FBXL19: variants seen among roughly 807,000 people sequenced by gnomAD.
FBXL19 encodes F-box/LRR-repeat protein 19.
In FBXL19, 16 loss-of-function variants were observed where a neutral mutation model predicts 71.2. That is an observed-to-expected ratio of 0.22 (90% CI 0.15 to 0.34). The LOEUF (loss-of-function observed/expected upper bound fraction) is 0.34, where lower values mean the gene tolerates loss of function less well. FBXL19 is among the 10% of genes least tolerant of loss of function. FBXL19 has a pLI of 1.00. For synonymous variants in FBXL19, 447 were observed against 409.4 expected, an observed-to-expected ratio of 1.09 and a Z score of -1.11; for missense variants, 658 against 968.2, an observed-to-expected ratio of 0.68 and a Z score of 4.25.
Position 30,942,317 on chromosome 16 carries a change from G to T in FBXL19, c.1465+38G>T. On this transcript the variant is annotated intron_variant, in intron 8 of 10. Transcript: ENST00000338343. This position sits in a 1 kb window ranked among gnomAD's most constrained non-coding sequence, Gnocchi z 5.7. ...GTACGGAGGACAGGGTGGGGACAGG[G>T]ACAGGCCTGGGATGGAGTCCTCACA... The T allele has an allele frequency of 1.3e-6, 2 of 1,599,396 alleles. No individual in the cohort carries two copies. Among genetic ancestry groups the T allele is most frequent in the Non-Finnish European group, 1.7e-6 (2 of 1,171,228 alleles).
Position 30,942,036 on chromosome 16 carries a change from C to T in FBXL19, c.1302-80C>T, listed in dbSNP as rs2055807776. 7.0e-7 allele frequency: 1 copy of T among 1,425,286 alleles called. No individual in the cohort carries two copies. Among genetic ancestry groups the T allele is most frequent in the African/African-American group, 1.4e-5 (1 of 69,558 alleles). 88.3% of individuals were successfully genotyped at this position (1,425,286 alleles called of 1,614,324 possible). A position where few individuals can be genotyped will look rare whatever the true frequency, so the allele number is the denominator to read the frequency against. ...GGCCAGAAGAGAGCTGGGGTGCACC[C>T]TTGGAGCTGGGGAGCCTGGGAACTG... On this transcript the variant is annotated intron_variant, in intron 7 of 10. Coordinates refer to ENST00000338343, the MANE Select transcript of FBXL19 (RefSeq NM_001382779.1). This position sits in a 1 kb window ranked among gnomAD's most constrained non-coding sequence, Gnocchi z 5.7.
At chr16:30,932,410 CTG>C (rs1392844800) in intron 7 of FBXL19, among the ~76,000 whole-genome samples, 1 of 152,206 alleles carries the variant, frequency 6.6e-6, no homozygotes, top group Non-Finnish European at 1.5e-5. Context: ...AAGGCCAGCT[CTG>C]TGCCTGGCAT....
Position 30,927,888 on chromosome 16 carries a change from C to A in FBXL19, c.552C>A (p.Pro184=), listed in dbSNP as rs767784472. ...RRKGPLPAGP[P]PEDVPGPPKR... ...AGGGCCCCCTGCCTGCCGGGCCCCC[C>A]CCGGAGGACGTGCCTGGGCCCCCCA... The change falls in exon 5 of 11, where the codon CCC becomes CCA. Residue 184 remains proline, a synonymous_variant. Transcript: ENST00000338343. 7.2e-6 allele frequency: 11 copies of A among 1,531,708 alleles called. No homozygotes were observed. The highest frequency in any genetic ancestry group is 2.5e-5 in the South Asian group (2 of 81,180). The allele number at this position is 1,531,708 out of a possible 1,614,324, so 94.9% of individuals were successfully genotyped here.
chr16:30,935,487 G>A lies in FBXL19; in HGVS notation c.1301+4903G>A, dbSNP rs144223675. ...AGAGGGCAGCAGGGAAGGCGTGCAGGGGTTATTGAGATGCAAGGAAGAGGG... is the reference window on the plus strand; with the variant it reads ...AGAGGGCAGCAGGGAAGGCGTGCAGAGGTTATTGAGATGCAAGGAAGAGGG... On this transcript the variant is annotated intron_variant, in intron 7 of 10. Coordinates refer to ENST00000338343, the MANE Select transcript of FBXL19 (RefSeq NM_001382779.1). Among the ~76,000 whole-genome samples, 529 of 152,258 alleles carry A rather than the reference G, an allele frequency of 3.5e-3. 3 individuals carry two copies. Among genetic ancestry groups the A allele is most frequent in the African/African-American group, 0.012 (493 of 41,554 alleles).
Position 30,925,686 on chromosome 16 carries a change from A to G in FBXL19, c.-24-45A>G, listed in dbSNP as rs2143304022. ...GGACCTGTCAGGGGTCTCCCAGGCC[A>G]GGGCCCCAGTGGGCCCATCTGACCC... On this transcript the variant is annotated intron_variant, in intron 1 of 10. Coordinates refer to ENST00000338343, the MANE Select transcript of FBXL19 (RefSeq NM_001382779.1). This position sits in a 1 kb window ranked among gnomAD's most constrained non-coding sequence, Gnocchi z 5.0. The G allele has an allele frequency of 1.4e-6, 2 of 1,457,278 alleles. No homozygotes were observed. Among genetic ancestry groups the G allele is most frequent in the African/African-American group, 1.5e-5 (1 of 67,418 alleles). The allele number at this position is 1,457,278 out of a possible 1,614,324, so 90.3% of individuals were successfully genotyped here.
At position 30,924,390 on chromosome 16, in the gene FBXL19, C is replaced by A; in HGVS notation, c.-94C>A. ...CGCGCCCCGCGCCGCCCGGCCCCCC[C>A]GCCGCCGATGGCCGCCGACCCGCCG... is the stretch of plus-strand genomic sequence containing the variant. On this transcript the variant is annotated 5_prime_UTR_variant, in exon 1 of 11. Transcript: ENST00000338343. The A allele has an allele frequency of 5.0e-6, 1 of 200,464 alleles. No individual in the cohort carries two copies. Among genetic ancestry groups the A allele is most frequent in the South Asian group, 1.7e-4 (1 of 5,766 alleles). The allele number at this position is 200,464 out of a possible 1,614,324, so 12.4% of individuals were successfully genotyped here.
intron 7 of FBXL19, among the ~76,000 whole-genome samples, chr16:30,932,686 G>T (rs564913755): frequency 6.6e-6 from 1 of 152,176 alleles, no homozygotes; most frequent in East Asian, 1.9e-4. Context: ...GTGCCTGGAG[G>T]GTACTAAACA....
chr16:30,942,368 T>A lies in FBXL19; in HGVS notation c.1466-7T>A. On this transcript the variant is annotated splice_polypyrimidine_tract_variant and splice_region_variant and intron_variant, in intron 8 of 10. Transcript: ENST00000338343. The surrounding 1 kb of genome is among the most constrained non-coding windows in gnomAD (Gnocchi z 5.7). ...GCACCTGCTTCCTGACTGCCCCCTC[T>A]CCGCAGGCCTGCAGGAGCTGGTGCT... 6.2e-7 allele frequency: 1 copy of A among 1,607,764 alleles called. No individual in the cohort carries two copies. The highest frequency in any genetic ancestry group is 8.5e-7 in the Non-Finnish European group (1 of 1,176,686).
At chr16:30,929,183 C>T (rs181607001) in intron 6 of FBXL19, among the ~76,000 whole-genome samples, 4 of 152,282 alleles carry the variant, frequency 2.6e-5, no homozygotes, top group Admixed American at 6.5e-5. Context: ...CACAGGAGTC[C>T]GCCTGATTGG....
chr16:30,944,106 C>T (rs1273212486), intron 9 of FBXL19, among the ~76,000 whole-genome samples: 1 of 148,720 alleles, frequency 6.7e-6, no homozygotes, highest in Non-Finnish European at 1.5e-5. Context: ...GCTGGCTGGT[C>T]CATTTCCTCC....
intron 7 of FBXL19, among the ~76,000 whole-genome samples, chr16:30,932,314 A>AGAATGT (rs2055684172): frequency 6.6e-6 from 1 of 152,242 alleles, no homozygotes. Context: ...GTTAAGCTGC[A>AGAATGT]ACATAGAAGC....
intron 7 of FBXL19, among the ~76,000 whole-genome samples, chr16:30,934,400 G>A (rs2055708672): frequency 6.6e-6 from 1 of 151,442 alleles, no homozygotes; most frequent in South Asian, 2.1e-4. Context: ...GCTCACGCCT[G>A]TAATCCCAGC....
In FBXL19 at chr16:30,946,296, C is replaced by T. The variant is rs1373263857; in HGVS notation, c.1628-434C>T. Reference sequence around the variant, plus strand: ...GTGGCTCACTGCAACCTCCACCTCTCGGGTTCAAGTGATTCTCCTGCCTCA... The same window carrying T: ...GTGGCTCACTGCAACCTCCACCTCTTGGGTTCAAGTGATTCTCCTGCCTCA... On this transcript the variant is annotated intron_variant, in intron 9 of 10. Coordinates refer to ENST00000338343, the MANE Select transcript of FBXL19 (RefSeq NM_001382779.1). The surrounding 1 kb of genome is among the most constrained non-coding windows in gnomAD (Gnocchi z 6.7). 6.6e-6 allele frequency among the ~76,000 whole-genome samples: 1 copy of T among 152,186 alleles called. No individual in the cohort carries two copies. Among genetic ancestry groups the T allele is most frequent in the East Asian group, 1.9e-4 (1 of 5,198 alleles).
At chr16:30,929,619 C>T (rs1459238548) in intron 6 of FBXL19, among the ~76,000 whole-genome samples, 2 of 152,126 alleles carry the variant, frequency 1.3e-5, no homozygotes, top group South Asian at 2.1e-4. Context: ...AGTGCAGTGG[C>T]GTGATCTCGG....
In FBXL19 at chr16:30,924,401, G is replaced by A. The variant is rs894720511; in HGVS notation, c.-83G>A. On this transcript the variant is annotated 5_prime_UTR_variant, in exon 1 of 11. Coordinates refer to ENST00000338343, the MANE Select transcript of FBXL19 (RefSeq NM_001382779.1). ...CCGCCCGGCCCCCCCGCCGCCGATGGCCGCCGACCCGCCGGGAGCTGCCGA... is the reference window on the plus strand; with the variant it reads ...CCGCCCGGCCCCCCCGCCGCCGATGACCGCCGACCCGCCGGGAGCTGCCGA... 3.2e-5 allele frequency: 7 copies of A among 217,516 alleles called. No homozygotes were observed. The highest frequency in any genetic ancestry group is 1.1e-4 in the African/African-American group (5 of 43,584). The allele number at this position is 217,516 out of a possible 1,614,324, so 13.5% of individuals were successfully genotyped here.
intron 7 of FBXL19, among the ~76,000 whole-genome samples, chr16:30,939,395 G>A (rs1261702855): frequency 6.9e-6 from 1 of 143,894 alleles, no homozygotes; most frequent in Non-Finnish European, 1.5e-5. Context: ...ATATTTATGT[G>A]AAACAATACT....
chr16:30,939,549 G>T (rs2055778719), intron 7 of FBXL19, among the ~76,000 whole-genome samples: 1 of 151,114 alleles, frequency 6.6e-6, no homozygotes, highest in South Asian at 2.1e-4. Context: ...GAGTATCTGG[G>T]ACTACAGGCG....
At position 30,925,604 on chromosome 16, in the gene FBXL19, G is replaced by A. The variant is rs1012081021; in HGVS notation, c.-24-127G>A. ...ATTGGCCCCCAGATACACAGAAGGG[G>A]GTGACCTCCTTGTCCCCCTGAGGAA... On this transcript the variant is annotated intron_variant, in intron 1 of 10. Transcript: ENST00000338343. This position sits in a 1 kb window ranked among gnomAD's most constrained non-coding sequence, Gnocchi z 5.0. 139 of 1,039,368 alleles carry A rather than the reference G, an allele frequency of 1.3e-4. No individual in the cohort carries two copies. The highest frequency in any genetic ancestry group is 1.5e-4 in the Non-Finnish European group (114 of 775,952). 64.4% of individuals were successfully genotyped at this position (1,039,368 alleles called of 1,614,324 possible). A position where few individuals can be genotyped will look rare whatever the true frequency, so the allele number is the denominator to read the frequency against.
Position 30,925,685 on chromosome 16 carries a change from C to G in FBXL19, c.-24-46C>G, listed in dbSNP as rs961692718. 6.9e-7 allele frequency: 1 copy of G among 1,456,060 alleles called. No individual in the cohort carries two copies. The highest frequency in any genetic ancestry group is 9.0e-7 in the Non-Finnish European group (1 of 1,113,366). 90.2% of individuals were successfully genotyped at this position (1,456,060 alleles called of 1,614,324 possible). ...GGGACCTGTCAGGGGTCTCCCAGGC[C>G]AGGGCCCCAGTGGGCCCATCTGACC... On this transcript the variant is annotated intron_variant, in intron 1 of 10. Coordinates refer to ENST00000338343, the MANE Select transcript of FBXL19 (RefSeq NM_001382779.1). This position sits in a 1 kb window ranked among gnomAD's most constrained non-coding sequence, Gnocchi z 5.0.
Sources: gnomAD v4.1 joint callset for allele counts (sites outside exome capture counted in the v4.1 genomes callset) on GRCh38, gnomAD v4.1.1 for gene constraint, Gnocchi (gnomAD v3.1) non-coding constraint, MANE v1.5 for transcripts, NCBI Gene and HGNC (gene_info 2026-07-23, HGNC 2026-07-21) for gene names.